The following NLGN1 variants were observed in gnomAD, a reference collection of about 807,000 sequenced individuals.
NLGN1 encodes neuroligin 1, also known as neuroligin-1.
A neutral mutation model predicts 65.5 loss-of-function variants in NLGN1; 12 were observed. The observed-to-expected ratio is 0.18, with a 90% CI of 0.12 to 0.30. NLGN1 has a LOEUF of 0.30. Ranked by LOEUF, NLGN1 falls within the 10% of genes least tolerant of loss-of-function variation. The probability of loss-of-function intolerance (pLI) is 1.00; values close to 1 mark genes in which losing one functional copy is unlikely to be tolerated. For synonymous variants in NLGN1, 350 were observed against 359.5 expected (o/e 0.97, Z 0.30); for missense variants, 750 against 1,007.1 (o/e 0.74, Z 3.46).
At chr3:173,557,444 A>G (rs1314912018) in intron 2 of NLGN1, among the ~76,000 whole-genome samples, 1 of 152,090 alleles carries the variant, frequency 6.6e-6, no homozygotes, top group Non-Finnish European at 1.5e-5. Context: ...TACATTTAAT[A>G]TAATTATTTA....
intron 3 of NLGN1, among the ~76,000 whole-genome samples, chr3:173,632,079 T>C (rs1316621535): frequency 1.3e-5 from 2 of 152,122 alleles, no homozygotes; most frequent in Non-Finnish European, 2.9e-5. Flanking sequence ...CTTCGTGAGT[T>C]GCTGACAACA....
intron 4 of NLGN1, among the ~76,000 whole-genome samples, chr3:174,144,969 T>C (rs146485389): frequency 0.05 from 7,609 of 152,266 alleles, 259 homozygotes; most frequent in South Asian, 0.11. Flanking sequence ...ATTCATGAAG[T>C]CTTTGCCCAT....
chr3:173,612,487 T>A (rs1199793735), intron 3 of NLGN1, among the ~76,000 whole-genome samples: 1 of 151,972 alleles, frequency 6.6e-6, no homozygotes, highest in Admixed American at 6.6e-5. Flanking sequence ...TTTCCAGAGG[T>A]TACTAATAGT....
intron 3 of NLGN1, among the ~76,000 whole-genome samples, chr3:173,655,339 A>G (rs1222021214): frequency 6.6e-6 from 1 of 152,150 alleles, no homozygotes; most frequent in Non-Finnish European, 1.5e-5. Context: ...GAAAGTTCCA[A>G]AGCCTAAATA....
chr3:173,758,229 A>G (rs959181117), intron 3 of NLGN1, among the ~76,000 whole-genome samples: 3 of 152,158 alleles, frequency 2.0e-5, no homozygotes, highest in African/African-American at 7.2e-5. Flanking sequence ...ATATGGAATC[A>G]GCTTTTGTCT....
intron 2 of NLGN1, among the ~76,000 whole-genome samples, chr3:173,583,068 A>G (rs1163756661): frequency 2.6e-5 from 4 of 152,284 alleles, no homozygotes; most frequent in African/African-American, 4.8e-5. Context: ...TGGACTTTCT[A>G]TTCTGTTCCA....
intron 3 of NLGN1, among the ~76,000 whole-genome samples, chr3:173,789,550 T>A (rs4312677): frequency 0.72 from 110,084 of 152,130 alleles, 40,225 homozygotes; most frequent in Non-Finnish European, 0.78. Flanking sequence ...ATAGAAAATG[T>A]CTTGAACAAT....
chr3:173,450,921 T>C (rs552437540), intron 2 of NLGN1, among the ~76,000 whole-genome samples: 9 of 152,250 alleles, frequency 5.9e-5, no homozygotes, highest in Non-Finnish European at 1.0e-4. Flanking sequence ...ATCAGGTCCC[T>C]TAAAGACTTC....
In NLGN1 at chr3:173,936,430, C is replaced by T. The variant is rs545160811; in HGVS notation, c.646+128598C>T. Among the ~76,000 whole-genome samples the T allele has an allele frequency of 4.3e-4, 66 of 152,150 alleles. No individual in the cohort carries two copies. In the South Asian group the frequency reaches 0.013, roughly 31 times the overall value. ...TAAACACTACAAGAAGTATTTCTCT[C>T]ATGTATTCTAGCATTATAAGGGTAA... is the stretch of plus-strand genomic sequence containing the variant. On this transcript the variant is annotated intron_variant, in intron 4 of 6. Transcript: ENST00000457714.
Position 174,110,525 on chromosome 3 carries a change from T to G in NLGN1, c.647-164790T>G, listed in dbSNP as rs570204164. Among the ~76,000 whole-genome samples, 3 of 152,114 alleles carry G rather than the reference T, an allele frequency of 2.0e-5. No individual in the cohort carries two copies. In the South Asian group the frequency reaches 6.2e-4, roughly 31 times the overall value. On this transcript the variant is annotated intron_variant, in intron 4 of 6. Transcript: ENST00000457714. ...ACTCTTCAAGCATTTTCGTTGGGTT[T>G]AAGTACATTGTAAAAATTAATGAGT...
At chr3:174,051,240 G>GCCACCCA (rs2152503268) in intron 4 of NLGN1, among the ~76,000 whole-genome samples, 1 of 152,140 alleles carries the variant, frequency 6.6e-6, no homozygotes, top group South Asian at 2.1e-4. Context: ...ATTCCAGGGT[G>GCCACCCA]CCACCCACCG....
At chr3:173,978,854 A>T (rs1307191226) in intron 4 of NLGN1, among the ~76,000 whole-genome samples, 2 of 150,990 alleles carry the variant, frequency 1.3e-5, no homozygotes, top group African/African-American at 2.4e-5. Context: ...AAAAAAAAAA[A>T]AAAATTAGCC....
intron 4 of NLGN1, among the ~76,000 whole-genome samples, chr3:174,145,889 T>G (rs1723133296): frequency 6.6e-6 from 1 of 152,242 alleles, no homozygotes; most frequent in Non-Finnish European, 1.5e-5. Flanking sequence ...GGGAGCAATG[T>G]GCCATAGTGC....
chr3:174,174,539 C>T (rs191172309), intron 4 of NLGN1, among the ~76,000 whole-genome samples: 380 of 151,954 alleles, frequency 2.5e-3, no homozygotes, highest in South Asian at 5.0e-3. Flanking sequence ...AAGGTGATAT[C>T]GCATTGTGGT....
intron 4 of NLGN1, among the ~76,000 whole-genome samples, chr3:173,856,897 T>TA (rs1728083747): frequency 6.6e-6 from 1 of 151,578 alleles, no homozygotes; most frequent in Admixed American, 6.6e-5. Flanking sequence ...CACAGGGAAG[T>TA]AAAATTGCAG....
intron 4 of NLGN1, among the ~76,000 whole-genome samples, chr3:173,876,281 G>A (rs1732090476): frequency 6.6e-6 from 1 of 152,010 alleles, no homozygotes. Context: ...AATGCGTTTT[G>A]CCTTAGTAAC....
At chr3:173,592,934 C>A (rs762873397) in intron 2 of NLGN1, among the ~76,000 whole-genome samples, 1 of 152,148 alleles carries the variant, frequency 6.6e-6, no homozygotes, top group Admixed American at 6.6e-5. Context: ...CTACCCTTCT[C>A]TCAGTTCACA....
chr3:173,627,408 A>C (rs901176369), intron 3 of NLGN1, among the ~76,000 whole-genome samples: 1 of 152,080 alleles, frequency 6.6e-6, no homozygotes, highest in Non-Finnish European at 1.5e-5. Context: ...CATTACACAC[A>C]CACACACATC....
chr3:173,973,066 T>A (rs1391867425), intron 4 of NLGN1, among the ~76,000 whole-genome samples: 3 of 152,126 alleles, frequency 2.0e-5, no homozygotes, highest in Admixed American at 2.0e-4. Context: ...CTTGTCTCAG[T>A]TTCTTCATCT....
Sources: allele counts gnomAD v4.1 joint callset (sites outside exome capture counted in the v4.1 genomes callset), GRCh38; gene constraint gnomAD v4.1.1; transcripts MANE v1.5; gene names NCBI Gene and HGNC (gene_info 2026-07-23, HGNC 2026-07-21).